CREM: variants seen among roughly 807,000 people sequenced by gnomAD.
CREM encodes cAMP responsive element modulator.
Under a neutral mutation model 37.3 loss-of-function variants are expected in CREM, and 13 were observed. The observed-to-expected ratio is 0.35, with a 90% confidence interval of 0.23 to 0.55. The LOEUF (loss-of-function observed/expected upper bound fraction) is 0.55, where lower values mean the gene tolerates loss of function less well. Among genes scored for constraint, CREM ranks in the 20% least tolerant of loss-of-function variants. The pLI is 0.88. For synonymous variants in CREM, 124 were observed against 120.2 expected, an observed-to-expected ratio of 1.03 and a Z score of -0.21; for missense variants, 296 against 362.3, an observed-to-expected ratio of 0.82 and a Z score of 1.49.
At chr10:35,143,607 A>G (rs555658623) in intron 2 of CREM, among the ~76,000 whole-genome samples, 3 of 152,328 alleles carry the variant, frequency 2.0e-5, no homozygotes, top group South Asian at 2.1e-4. Context: ...AGTGTTGAAC[A>G]TAGACAGAAT....
At chr10:35,189,894 C>G (rs2094838144) in intron 6 of CREM, among the ~76,000 whole-genome samples, 1 of 152,110 alleles carries the variant, frequency 6.6e-6, no homozygotes, top group African/African-American at 2.4e-5. Flanking sequence ...GATAATTATA[C>G]TCAGGTATTT....
At position 35,127,190 on chromosome 10, in the gene CREM, G is replaced by C. The variant is rs2087921781; in HGVS notation, c.-58G>C. ...GGTCCGCTACGTAAATCCCTTTGCGGCGGGTAAGTGGTGCGTCGGCTCCGG... is the reference window on the plus strand; with the variant it reads ...GGTCCGCTACGTAAATCCCTTTGCGCCGGGTAAGTGGTGCGTCGGCTCCGG... On this transcript the variant is annotated 5_prime_UTR_variant, in exon 1 of 8. Coordinates refer to ENST00000685392, the MANE Select transcript of CREM (RefSeq NM_183011.2). 2 of 152,738 alleles carry C rather than the reference G, an allele frequency of 1.3e-5. No homozygotes were observed. The highest frequency in any genetic ancestry group is 1.3e-4 in the Admixed American group (2 of 15,288). 9.5% of individuals were successfully genotyped at this position (152,738 alleles called of 1,614,324 possible).
intron 2 of CREM, among the ~76,000 whole-genome samples, chr10:35,145,610 G>A (rs760909967): frequency 1.6e-4 from 25 of 151,796 alleles, no homozygotes; most frequent in East Asian, 3.9e-4. Flanking sequence ...GCGAAACCCC[G>A]TCTCTTCTAA....
At chr10:35,176,985 G>C (rs1172265905) in intron 3 of CREM, among the ~76,000 whole-genome samples, 1 of 151,872 alleles carries the variant, frequency 6.6e-6, no homozygotes, top group African/African-American at 2.4e-5. Flanking sequence ...ATTTTTTAAA[G>C]TATGCATCTT....
intron 1 of CREM, among the ~76,000 whole-genome samples, chr10:35,134,867 A>G (rs2090170760): frequency 6.6e-6 from 1 of 151,944 alleles, no homozygotes; most frequent in Non-Finnish European, 1.5e-5. Flanking sequence ...GTGAAACACC[A>G]TCTCTACTAA....
At position 35,179,181 on chromosome 10, in the gene CREM, T is replaced by C. The variant is rs755153109; in HGVS notation, c.314T>C (p.Ile105Thr). Residue 105 changes from isoleucine (I) to threonine (T), a missense_variant, in exon 5 of 8, where the codon ATT becomes ACT. Around this residue, in one of 2 missense-constraint regions of CREM, gnomAD observed 257 missense variants for 280.2 expected, o/e 0.92. Coordinates refer to ENST00000685392, the MANE Select transcript of CREM (RefSeq NM_183011.2). ...LSSDVPGVPK[I>T]EEERSEEEGT... is the part of the protein sequence containing the mutation. ...TCTGATGTGCCTGGTGTTCCCAAGA[T>C]TGAAGAAGAGAGATCAGAGGAAGAA... 3 of 1,613,846 alleles carry C rather than the reference T, an allele frequency of 1.9e-6. No homozygotes were observed. In the African/African-American group the frequency reaches 4.0e-5, roughly 22 times the overall value.
chr10:35,205,674 T>A (rs907382211), intron 6 of CREM, among the ~76,000 whole-genome samples: 3 of 152,192 alleles, frequency 2.0e-5, no homozygotes, highest in African/African-American at 7.2e-5. Flanking sequence ...TATTAAATTT[T>A]CAGGCCGGGC....
chr10:35,191,366 G>A (rs2094911890), intron 6 of CREM, among the ~76,000 whole-genome samples: 1 of 152,144 alleles, frequency 6.6e-6, no homozygotes, highest in South Asian at 2.1e-4. Flanking sequence ...GTGATCCTAT[G>A]TGAATGTTTA....
intron 2 of CREM, among the ~76,000 whole-genome samples, chr10:35,139,859 G>A (rs979363358): frequency 6.6e-6 from 1 of 152,180 alleles, no homozygotes; most frequent in African/African-American, 2.4e-5. Context: ...AGATGTTAAT[G>A]TTGTATGTAC....
rs755325003 is a variant in CREM, at chr10:35,206,974, G to T, written c.678G>T (p.Ser226=). 1.2e-5 allele frequency: 19 copies of T among 1,613,870 alleles called. No individual in the cohort carries two copies. The highest frequency in any genetic ancestry group is 1.2e-5 in the Non-Finnish European group (14 of 1,180,012). The change falls in exon 7 of 8, where the codon TCG becomes TCT. Residue 226 remains serine, a synonymous_variant. Coordinates refer to ENST00000685392, the MANE Select transcript of CREM (RefSeq NM_183011.2). ...ALPQGVVMAA[S]PGSLHSPQQL... ...CACAGGGAGTGGTGATGGCTGCATC[G>T]CCCGGAAGTTTGCACAGTCCCCAGC...
intron 3 of CREM, among the ~76,000 whole-genome samples, chr10:35,150,193 ACTTT>A (rs2092491092): frequency 6.6e-6 from 1 of 150,420 alleles, no homozygotes; most frequent in African/African-American, 2.4e-5. Context: ...AGTTGAAAGC[ACTTT>A]CTTTTTTTTT....
At chr10:35,189,951 G>A (rs911977654) in intron 6 of CREM, among the ~76,000 whole-genome samples, 2 of 152,106 alleles carry the variant, frequency 1.3e-5, no homozygotes, top group Non-Finnish European at 2.9e-5. Flanking sequence ...GAACTGAGGT[G>A]GTGGCATTTA....
chr10:35,169,988 A>C (rs1312097589), intron 3 of CREM, among the ~76,000 whole-genome samples: 1 of 126,198 alleles, frequency 7.9e-6, no homozygotes, highest in African/African-American at 2.9e-5. Context: ...TTTGAGATGG[A>C]GTCTCGCTCT....
Position 35,206,956 on chromosome 10 carries a change from A to G in CREM, c.660A>G (p.Gly220=), listed in dbSNP as rs2095540263. Residue 220 remains glycine (G), a synonymous_variant, in exon 7 of 8, where the codon GGA becomes GGG. Transcript: ENST00000685392. The part of the protein sequence containing the change: ...IRAPTAALPQ[G]VVMAASPGSL... ...CTCCTACTGCTGCTTTGCCACAGGG[A>G]GTGGTGATGGCTGCATCGCCCGGAA... The G allele has an allele frequency of 1.2e-6, 2 of 1,613,920 alleles. No homozygotes were observed. Among genetic ancestry groups the G allele is most frequent in the African/African-American group, 2.7e-5 (2 of 74,920 alleles).
intron 7 of CREM, 40 bp from the exon 8 acceptor site, chr10:35,211,214 A>C: frequency 6.3e-7 from 1 of 1,599,656 alleles, no homozygotes; most frequent in South Asian, 1.1e-5. Flanking sequence ...ATTGTGTTGG[A>C]AGGCTGTTCC....
At chr10:35,162,614 T>C (rs1244295457) in intron 3 of CREM, among the ~76,000 whole-genome samples, 2 of 152,068 alleles carry the variant, frequency 1.3e-5, no homozygotes, top group African/African-American at 4.8e-5. Context: ...TTGCCCAGTC[T>C]TTCTCTCCTG....
intron 2 of CREM, among the ~76,000 whole-genome samples, chr10:35,140,372 G>A (rs1388853651): frequency 1.3e-5 from 2 of 152,134 alleles, no homozygotes; most frequent in African/African-American, 4.8e-5. Flanking sequence ...GGCTGTGGAA[G>A]GAACCCTGGA....
At chr10:35,144,152 TGTGGTGATGG>T (rs1346095726) in intron 2 of CREM, among the ~76,000 whole-genome samples, 1 of 152,088 alleles carries the variant, frequency 6.6e-6, no homozygotes, top group Non-Finnish European at 1.5e-5. Context: ...CTTTGTCCAG[TGTGGTGATGG>T]GAGGTTACAG....
At chr10:35,189,870 T>G (rs2094837319) in intron 6 of CREM, among the ~76,000 whole-genome samples, 1 of 152,210 alleles carries the variant, frequency 6.6e-6, no homozygotes, top group Non-Finnish European at 1.5e-5. Flanking sequence ...CATATTATAA[T>G]TGATGAGTCT....
Sources: allele counts gnomAD v4.1 joint callset (sites outside exome capture counted in the v4.1 genomes callset), GRCh38; gene constraint gnomAD v4.1.1; regional missense constraint gnomAD v4.1.1; transcripts MANE v1.5; gene names NCBI Gene and HGNC (gene_info 2026-07-23, HGNC 2026-07-21).